Variants in CTNNA2 observed in about 807,000 individuals in gnomAD.
The protein encoded by CTNNA2 is catenin alpha 2.
Under a neutral mutation model 101.0 loss-of-function variants are expected in CTNNA2, and 42 were observed. The observed-to-expected ratio is 0.42, with a 90% CI of 0.32 to 0.54. The LOEUF is 0.54. Among genes scored for constraint, CTNNA2 ranks in the 20% least tolerant of loss-of-function variants. The pLI is 0.14. For synonymous variants in CTNNA2, 450 were observed against 456.4 expected, an observed-to-expected ratio of 0.99 and a Z score of 0.18; for missense variants, 871 against 1,223.1, an observed-to-expected ratio of 0.71 and a Z score of 4.29.
chr2:80,077,603 A>G (rs1163943311), intron 7 of CTNNA2, among the ~76,000 whole-genome samples: 2 of 150,126 alleles, frequency 1.3e-5, no homozygotes, highest in Admixed American at 6.6e-5. Flanking sequence ...AAAAAAAAAC[A>G]TAAACAAAAC....
chr2:79,519,670 A>T (rs1573228160), intron 1 of CTNNA2, among the ~76,000 whole-genome samples: 2 of 152,268 alleles, frequency 1.3e-5, no homozygotes, highest in Admixed American at 1.3e-4. Flanking sequence ...CTTCTGCTGC[A>T]TAAGGAAAAA....
At chr2:80,371,556 A>ATT (rs56220769) in intron 7 of CTNNA2, among the ~76,000 whole-genome samples, 11 of 145,476 alleles carry the variant, frequency 7.6e-5, no homozygotes, top group East Asian at 2.0e-4. Flanking sequence ...GAAATCAGGG[A>ATT]TTTTTTTTTT....
intron 7 of CTNNA2, among the ~76,000 whole-genome samples, chr2:80,072,495 G>A (rs959301812): frequency 9.2e-5 from 14 of 152,234 alleles, no homozygotes; most frequent in Non-Finnish European, 1.8e-4. Context: ...TTAAGATTTT[G>A]TCTCTGTTTC....
chr2:79,978,337 T>C (rs529253046), intron 7 of CTNNA2, among the ~76,000 whole-genome samples: 31 of 152,236 alleles, frequency 2.0e-4, no homozygotes, highest in African/African-American at 6.0e-4. Context: ...CCATTTCCTT[T>C]GTTTGGGATG....
At chr2:79,325,786 G>A (rs981531870) in intron 3 of CTNNA2, among the ~76,000 whole-genome samples, 21 of 152,142 alleles carry the variant, frequency 1.4e-4, no homozygotes, top group African/African-American at 4.8e-4. Context: ...TCATACTGCT[G>A]ACCATTGCCT....
At chr2:79,594,843 CATT>C (rs1247444899) in intron 1 of CTNNA2, among the ~76,000 whole-genome samples, 1 of 152,064 alleles carries the variant, frequency 6.6e-6, no homozygotes, top group Non-Finnish European at 1.5e-5. Context: ...TCATCATTAT[CATT>C]ATTATCATCT....
intron 2 of CTNNA2, among the ~76,000 whole-genome samples, chr2:79,215,737 C>A (rs1674246943): frequency 6.6e-6 from 1 of 152,040 alleles, no homozygotes; most frequent in Admixed American, 6.5e-5. Flanking sequence ...CTCTAGCCAC[C>A]TTTTTAAGAG....
intron 6 of CTNNA2, among the ~76,000 whole-genome samples, chr2:79,876,886 T>C (rs1683063607): frequency 6.6e-6 from 1 of 152,146 alleles, no homozygotes; most frequent in African/African-American, 2.4e-5. Context: ...AAATAAGGCT[T>C]TGGAAATTTA....
intron 2 of CTNNA2, among the ~76,000 whole-genome samples, chr2:79,719,931 A>T (rs1304430680): frequency 1.3e-5 from 2 of 152,034 alleles, no homozygotes; most frequent in Non-Finnish European, 2.9e-5. Context: ...TTTTTGTTGC[A>T]ATCACTTTTG....
At chr2:79,680,194 A>C (rs906323356) in intron 2 of CTNNA2, among the ~76,000 whole-genome samples, 9 of 152,142 alleles carry the variant, frequency 5.9e-5, no homozygotes, top group Admixed American at 2.0e-4. Context: ...TAAACAAAAC[A>C]GAAAATCTCG....
At chr2:79,986,922 C>A (rs1327310149) in intron 7 of CTNNA2, among the ~76,000 whole-genome samples, 1 of 152,068 alleles carries the variant, frequency 6.6e-6, no homozygotes, top group African/African-American at 2.4e-5. Context: ...CTTGATCTGC[C>A]CTGAGTTTAC....
chr2:80,329,516 G>A (rs1671129623), intron 7 of CTNNA2, among the ~76,000 whole-genome samples: 1 of 152,186 alleles, frequency 6.6e-6, no homozygotes, highest in African/African-American at 2.4e-5. Context: ...ATGGGAATAA[G>A]GAAGTCATCC....
chr2:80,637,576 A>C (rs533214186), intron 18 of CTNNA2, among the ~76,000 whole-genome samples: 1 of 152,152 alleles, frequency 6.6e-6, no homozygotes, highest in Non-Finnish European at 1.5e-5. Context: ...ATTCACTGGG[A>C]ACGGAATCTC....
At chr2:80,244,263 A>C (rs907319276) in intron 7 of CTNNA2, among the ~76,000 whole-genome samples, 1 of 152,200 alleles carries the variant, frequency 6.6e-6, no homozygotes, top group African/African-American at 2.4e-5. Context: ...AGAATCCAGT[A>C]CATGTTATTT....
chr2:79,304,700 T>C (rs62156616), intron 2 of CTNNA2, among the ~76,000 whole-genome samples: 4,123 of 152,296 alleles, frequency 0.027, 84 homozygotes, highest in Non-Finnish European at 0.036. Context: ...TAGGTATCTA[T>C]TGTGGTTATA....
intron 18 of CTNNA2, among the ~76,000 whole-genome samples, chr2:80,629,261 G>T (rs1175633163): frequency 2.6e-5 from 4 of 152,126 alleles, no homozygotes; most frequent in African/African-American, 4.8e-5. Context: ...GGTCTCTGCT[G>T]TCATCAAGAT....
At chr2:80,532,808 G>T (rs1355753989) in intron 9 of CTNNA2, among the ~76,000 whole-genome samples, 1 of 152,048 alleles carries the variant, frequency 6.6e-6, no homozygotes, top group Non-Finnish European at 1.5e-5. Flanking sequence ...TTACCTAGGA[G>T]AAGAAAATAT....
intron 7 of CTNNA2, among the ~76,000 whole-genome samples, chr2:80,333,128 T>C (rs1671483989): frequency 6.6e-6 from 1 of 152,180 alleles, no homozygotes; most frequent in African/African-American, 2.4e-5. Context: ...ACTATTAATA[T>C]CAGCCCTTTA....
In CTNNA2 at chr2:80,563,702, C is replaced by T. The variant is rs148109239; in HGVS notation, c.1741+7809C>T. Among the ~76,000 whole-genome samples the T allele has an allele frequency of 2.1e-3, 325 of 152,192 alleles. 1 individual carries two copies. The highest frequency in any genetic ancestry group is 6.8e-3 in the Middle Eastern group (2 of 294). ...TCCTGGTTTGCCTTTCTGTATTTTA[C>T]CTTTCCTCTAATTCTACCTGATTTC... On this transcript the variant is annotated intron_variant, in intron 12 of 18. Transcript: ENST00000402739.
Sources: allele counts gnomAD v4.1 joint callset (sites outside exome capture counted in the v4.1 genomes callset), GRCh38; gene constraint gnomAD v4.1.1; transcripts MANE v1.5; gene names NCBI Gene and HGNC (gene_info 2026-07-23, HGNC 2026-07-21).